Variants in NRXN1 observed in about 807,000 individuals in gnomAD.
NRXN1 encodes the protein neurexin 1, also known as neurexin-1.
In NRXN1, 39 loss-of-function variants were observed where a neutral mutation model predicts 150.9. The observed-to-expected ratio is 0.26, with a 90% CI of 0.20 to 0.34. NRXN1 has a LOEUF of 0.34. NRXN1 is among the 10% of genes least tolerant of loss of function. The pLI, the probability that NRXN1 is intolerant of heterozygous loss-of-function variation, is 1.00. For missense variants in NRXN1, 1,815 were observed against 1,949.9 expected, an observed-to-expected ratio of 0.93 and a Z score of 1.30; for synonymous variants, 924 against 757.0, an observed-to-expected ratio of 1.22 and a Z score of -3.62.
intron 2 of NRXN1, among the ~76,000 whole-genome samples, chr2:50,927,562 A>C (rs747801463): frequency 1.3e-5 from 2 of 152,064 alleles, no homozygotes; most frequent in Admixed American, 1.3e-4. Context: ...TGTTACACAA[A>C]CACAAATATT....
At chr2:50,219,947 A>ATAT (rs1454109205) in intron 18 of NRXN1, among the ~76,000 whole-genome samples, 6 of 43,114 alleles carry the variant, frequency 1.4e-4, no homozygotes, top group African/African-American at 1.2e-3. Flanking sequence ...TATATATTAT[A>ATAT]TATATAATAT....
chr2:50,078,374 C>CA (rs5831077), intron 19 of NRXN1, among the ~76,000 whole-genome samples: 40,442 of 147,290 alleles, frequency 0.27, 5,639 homozygotes, highest in East Asian at 0.4. Flanking sequence ...ACTCTTATTT[C>CA]AAAAAAAAAA....
At chr2:50,554,311 CA>C (rs1383071590) in intron 8 of NRXN1, 4 of 152,120 alleles carry the variant, frequency 2.6e-5, no homozygotes, top group Non-Finnish European at 1.5e-5. Flanking sequence ...GCAGTTATTC[CA>C]AACCCATGGC....
At chr2:50,072,000 C>T (rs1263286076) in intron 19 of NRXN1, among the ~76,000 whole-genome samples, 1 of 152,148 alleles carries the variant, frequency 6.6e-6, no homozygotes, top group Non-Finnish European at 1.5e-5. Flanking sequence ...TATCCATGTA[C>T]ATTTTTTGCA....
At chr2:50,720,058 C>G (rs1356889933) in intron 5 of NRXN1, among the ~76,000 whole-genome samples, 1 of 152,188 alleles carries the variant, frequency 6.6e-6, no homozygotes, top group African/African-American at 2.4e-5. Context: ...CAGGGTAACA[C>G]ATTTTCAGCC....
At chr2:50,935,662 G>A (rs1030608877) in intron 2 of NRXN1, among the ~76,000 whole-genome samples, 8 of 152,006 alleles carry the variant, frequency 5.3e-5, no homozygotes, top group African/African-American at 1.7e-4. Flanking sequence ...GGGAGGCGGA[G>A]GTTGCAGTGA....
intron 5 of NRXN1, among the ~76,000 whole-genome samples, chr2:50,769,982 A>C (rs930840971): frequency 6.6e-6 from 1 of 152,132 alleles, no homozygotes; most frequent in African/African-American, 2.4e-5. Flanking sequence ...AAAATCACTA[A>C]TAAGGGGCAT....
In NRXN1 at chr2:50,747,955, G is replaced by T. The variant is rs562516092; in HGVS notation, c.833-124340C>A. ...TATCATCAACACTGTCCTAGCTGTG[G>T]CTAAACACCTCTACCTCTGCTATGA... is the stretch of plus-strand genomic sequence containing the variant. On this transcript the variant is annotated intron_variant, in intron 5 of 22. Transcript: ENST00000401669. Among the ~76,000 whole-genome samples the T allele has an allele frequency of 1.6e-4, 25 of 152,240 alleles. No homozygotes were observed. The South Asian group carries it at 1.9e-3, about 11-fold the overall frequency.
intron 5 of NRXN1, among the ~76,000 whole-genome samples, chr2:50,680,789 G>GA (rs1171605213): frequency 1.3e-5 from 2 of 151,858 alleles, no homozygotes; most frequent in South Asian, 2.1e-4. Flanking sequence ...GCATGCAGTG[G>GA]AAAAAAAGGA....
chr2:50,227,176 A>G (rs1234304854), intron 18 of NRXN1, among the ~76,000 whole-genome samples: 5 of 148,064 alleles, frequency 3.4e-5, no homozygotes, highest in African/African-American at 1.3e-4. Context: ...AAAAAAAAAA[A>G]GGAAGTTTGT....
chr2:50,990,780 G>GC (rs1698429028), intron 2 of NRXN1, among the ~76,000 whole-genome samples: 1 of 151,892 alleles, frequency 6.6e-6, no homozygotes, highest in Non-Finnish European at 1.5e-5. Flanking sequence ...CAGATCCATG[G>GC]CTCACATGCT....
intron 2 of NRXN1, among the ~76,000 whole-genome samples, chr2:50,996,592 G>T (rs1053600284): frequency 6.6e-6 from 1 of 151,992 alleles, no homozygotes; most frequent in South Asian, 2.1e-4. Context: ...CATGTACCTG[G>T]CTTCTGCCCT....
chr2:50,934,795 A>G (rs1688276033), intron 2 of NRXN1, among the ~76,000 whole-genome samples: 1 of 152,212 alleles, frequency 6.6e-6, no homozygotes, highest in Admixed American at 6.5e-5. Context: ...GAACTTTGTA[A>G]TATTTCCACT....
intron 21 of NRXN1, among the ~76,000 whole-genome samples, chr2:49,985,229 C>T (rs1176476023): frequency 1.3e-5 from 2 of 152,100 alleles, no homozygotes; most frequent in African/African-American, 2.4e-5. Flanking sequence ...CAATAAATAG[C>T]AGAAATCCTT....
At chr2:50,317,102 T>C (rs1468518414) in intron 17 of NRXN1, among the ~76,000 whole-genome samples, 2 of 151,976 alleles carry the variant, frequency 1.3e-5, no homozygotes, top group Non-Finnish European at 2.9e-5. Flanking sequence ...CGTTTAAAAA[T>C]GACAAATAAC....
At chr2:50,642,194 T>C (rs1045273589) in intron 5 of NRXN1, among the ~76,000 whole-genome samples, 3 of 152,086 alleles carry the variant, frequency 2.0e-5, no homozygotes, top group African/African-American at 7.2e-5. Context: ...TGAGGCACCA[T>C]GCTAATTGCT....
At chr2:50,642,941 G>A (rs1440967364) in intron 5 of NRXN1, among the ~76,000 whole-genome samples, 1 of 151,854 alleles carries the variant, frequency 6.6e-6, no homozygotes, top group Admixed American at 6.6e-5. Context: ...AGGAAACTAA[G>A]TTATATTCTA....
chr2:50,309,168 T>C (rs903991787), intron 17 of NRXN1, among the ~76,000 whole-genome samples: 1 of 152,326 alleles, frequency 6.6e-6, no homozygotes, highest in African/African-American at 2.4e-5. Flanking sequence ...TTACTTTTTA[T>C]GCAGATGGGT....
chr2:50,816,489 A>C (rs927550040), intron 5 of NRXN1, among the ~76,000 whole-genome samples: 1 of 152,120 alleles, frequency 6.6e-6, no homozygotes, highest in African/African-American at 2.4e-5. Flanking sequence ...AAAAAAACTA[A>C]ACAGAAGGAG....
Sources: gnomAD v4.1 joint callset for allele counts (sites outside exome capture counted in the v4.1 genomes callset) on GRCh38, gnomAD v4.1.1 for gene constraint, MANE v1.5 for transcripts, NCBI Gene and HGNC (gene_info 2026-07-23, HGNC 2026-07-21) for gene names.